Variants in KCNQ4 observed in about 807,000 individuals in gnomAD.
The protein encoded by KCNQ4 is potassium voltage-gated channel subfamily KQT member 4.
KCNQ4 carries 31 observed loss-of-function variants against 72.6 expected under a neutral mutation model. The observed-to-expected ratio is 0.43, with a 90% CI of 0.32 to 0.58. The LOEUF (loss-of-function observed/expected upper bound fraction) is 0.58. Among genes scored for constraint, KCNQ4 ranks in the 20% least tolerant of loss-of-function variants. The pLI, the probability that KCNQ4 is intolerant of heterozygous loss-of-function variation, is 0.08. For missense variants in KCNQ4, 869 were observed against 962.6 expected, an observed-to-expected ratio of 0.90 and a Z score of 1.29; for synonymous variants, 405 against 403.7, an observed-to-expected ratio of 1.00 and a Z score of -0.04.
chr1:40,815,987 C>T (rs1648073490), intron 1 of KCNQ4, among the ~76,000 whole-genome samples: 1 of 152,130 alleles, frequency 6.6e-6, no homozygotes. Flanking sequence ...AGGCAAGCAT[C>T]GGGAGTTGGC....
rs1647225163 is a variant in KCNQ4, at chr1:40,788,360, C to T, written c.314+3953C>T. Among the ~76,000 whole-genome samples the T allele has an allele frequency of 6.6e-6, 1 of 152,198 alleles. No individual in the cohort carries two copies. The highest frequency in any genetic ancestry group is 2.1e-4 in the South Asian group (1 of 4,828). ...GGGCAGAGAGTTGAAATTGCTCCTG[C>T]TTCCTTGTCCAGGACTGTTCGCTCC... On this transcript the variant is annotated intron_variant, in intron 1 of 13. Transcript: ENST00000347132. This position sits in a 1 kb window ranked among gnomAD's most constrained non-coding sequence, Gnocchi z 4.5.
At chr1:40,786,050 T>TAA (rs1420496249) in intron 1 of KCNQ4, among the ~76,000 whole-genome samples, 2 of 152,094 alleles carry the variant, frequency 1.3e-5, no homozygotes, top group Admixed American at 6.5e-5. Flanking sequence ...TTTGTGGCTA[T>TAA]AAAGAGGCCC....
chr1:40,821,892 G>A lies in KCNQ4; in HGVS notation c.1042-422G>A, dbSNP rs1019658240. The stretch of plus-strand genomic sequence containing the variant: ...CTACTATATACCAGGCACTGAGCTT[G>A]GCATTTAATATACAACTGTTCATTT... On this transcript the variant is annotated intron_variant, in intron 7 of 13. Transcript: ENST00000347132. Among the ~76,000 whole-genome samples, 8 of 152,288 alleles carry A rather than the reference G, an allele frequency of 5.3e-5. No homozygotes were observed. In the East Asian group the frequency reaches 1.4e-3, roughly 26 times the overall value.
At chr1:40,803,746 C>T (rs1647653088) in intron 1 of KCNQ4, among the ~76,000 whole-genome samples, 2 of 152,334 alleles carry the variant, frequency 1.3e-5, no homozygotes, top group South Asian at 2.1e-4. Context: ...GGGAGCATGG[C>T]TCTCAGGGCA....
Position 40,812,957 on chromosome 1 carries a change from A to G in KCNQ4, c.315-4308A>G, listed in dbSNP as rs565573027. Among the ~76,000 whole-genome samples, 17 of 152,346 alleles carry G rather than the reference A, an allele frequency of 1.1e-4. No individual in the cohort carries two copies. In the East Asian group the frequency reaches 2.7e-3, roughly 24 times the overall value. ...AGTGGAGATGAGGCCATTCTTTCAGAGAGGGGATGGCTGGGGAGGCCCCTC... is the reference window on the plus strand; with the variant it reads ...AGTGGAGATGAGGCCATTCTTTCAGGGAGGGGATGGCTGGGGAGGCCCCTC... On this transcript the variant is annotated intron_variant, in intron 1 of 13. Transcript: ENST00000347132.
At chr1:40,838,213 AC>A (rs1648864937) in intron 13 of KCNQ4, 97 bp from the exon 14 acceptor site, 1 of 1,029,446 alleles carries the variant, frequency 9.7e-7, no homozygotes, top group African/African-American at 1.7e-5. Flanking sequence ...AGCCCCGCCC[AC>A]TCCACCGGCT....
At chr1:40,821,225 C>G (rs1247223407) in intron 7 of KCNQ4, among the ~76,000 whole-genome samples, 1 of 152,162 alleles carries the variant, frequency 6.6e-6, no homozygotes, top group Non-Finnish European at 1.5e-5. Flanking sequence ...TTGTGGTGCC[C>G]ATAATTAATG....
At chr1:40,786,870 A>G (rs985334970) in intron 1 of KCNQ4, among the ~76,000 whole-genome samples, 2 of 152,132 alleles carry the variant, frequency 1.3e-5, no homozygotes, top group Admixed American at 6.5e-5. Context: ...GAGGAGCTCC[A>G]GATGTGGGGT....
Position 40,784,462 on chromosome 1 carries a change from G to C in KCNQ4, c.314+55G>C. Reference sequence around the variant, plus strand: ...TTTCCCCGCGCAAGCCTGGCCTCCCGGGGCACGGCCGCCCCGCCCTGGCTC... The same window carrying C: ...TTTCCCCGCGCAAGCCTGGCCTCCCCGGGCACGGCCGCCCCGCCCTGGCTC... On this transcript the variant is annotated intron_variant, in intron 1 of 13. Transcript: ENST00000347132. The surrounding 1 kb of genome is among the most constrained non-coding windows in gnomAD (Gnocchi z 4.1). The C allele has an allele frequency of 3.9e-6, 6 of 1,555,984 alleles. No homozygotes were observed. Among genetic ancestry groups the C allele is most frequent in the African/African-American group, 1.4e-5 (1 of 73,838 alleles).
chr1:40,828,623 T>C (rs774449756), intron 9 of KCNQ4, among the ~76,000 whole-genome samples: 12 of 152,132 alleles, frequency 7.9e-5, no homozygotes, highest in Non-Finnish European at 1.5e-4. Flanking sequence ...TTTCCGTGTA[T>C]ATAAAATAGG....
chr1:40,812,780 C>G (rs1318511044), intron 1 of KCNQ4, among the ~76,000 whole-genome samples: 1 of 152,046 alleles, frequency 6.6e-6, no homozygotes, highest in Non-Finnish European at 1.5e-5. Flanking sequence ...GCTTTGGGGA[C>G]CTCTTCAGTG....
chr1:40,801,690 A>G (rs1243702838), intron 1 of KCNQ4, among the ~76,000 whole-genome samples: 1 of 152,162 alleles, frequency 6.6e-6, no homozygotes, highest in Admixed American at 6.5e-5. Flanking sequence ...GACTCTTCCC[A>G]TTACCTACTC....
rs149245005 is a variant in KCNQ4, at chr1:40,816,374, G to C, written c.315-891G>C. On this transcript the variant is annotated intron_variant, in intron 1 of 13. Coordinates refer to ENST00000347132, the MANE Select transcript of KCNQ4 (RefSeq NM_004700.4). ...TCCTTCACCCATCCACATACCGCAA[G>C]GCCACCAGTTTCTCTCCTCATGCCC... Among the ~76,000 whole-genome samples the C allele has an allele frequency of 4.3e-3, 652 of 152,220 alleles. 4 individuals are homozygous for C. Among genetic ancestry groups the C allele is most frequent in the African/African-American group, 0.015 (633 of 41,532 alleles).
intron 1 of KCNQ4, among the ~76,000 whole-genome samples, chr1:40,785,915 C>T (rs1647197746): frequency 6.6e-6 from 1 of 152,098 alleles, no homozygotes; most frequent in African/African-American, 2.4e-5. Flanking sequence ...GTGCAGAGAC[C>T]TCAGCTGGGC....
chr1:40,814,046 C>CTTTTTTTTTTTT lies in KCNQ4; in HGVS notation c.315-3206_315-3195dup, dbSNP rs35243800. 6.6e-4 allele frequency among the ~76,000 whole-genome samples: 35 copies of CTTTTTTTTTTTT among 52,708 alleles called. 2 individuals are homozygous for CTTTTTTTTTTTT. Among genetic ancestry groups the CTTTTTTTTTTTT allele is most frequent in the Non-Finnish European group, 8.3e-4 (25 of 30,096 alleles). 34.6% of individuals were successfully genotyped at this position (52,708 alleles called of 152,430 possible). ...ACAGGCGTGAGCCACTGCGCCCGGC[C>CTTTTTTTTTTTT]TTTTTTTTTTTTTTTTTTTTTTTTG... On this transcript the variant is annotated intron_variant, in intron 1 of 13. Transcript: ENST00000347132.
At chr1:40,823,471 G>A (rs1466445877) in intron 8 of KCNQ4, among the ~76,000 whole-genome samples, 1 of 152,196 alleles carries the variant, frequency 6.6e-6, no homozygotes, top group African/African-American at 2.4e-5. Flanking sequence ...CTGCCCAGAG[G>A]AACAGAGCCT....
intron 1 of KCNQ4, among the ~76,000 whole-genome samples, chr1:40,790,078 C>T (rs1010152038): frequency 2.6e-5 from 4 of 152,218 alleles, no homozygotes; most frequent in African/African-American, 9.6e-5. Flanking sequence ...AGGGACTTTT[C>T]GTTTCTCCAG....
chr1:40,788,093 T>A lies in KCNQ4; in HGVS notation c.314+3686T>A, dbSNP rs1429226192. 6.6e-6 allele frequency among the ~76,000 whole-genome samples: 1 copy of A among 152,160 alleles called. No homozygotes were observed. Among genetic ancestry groups the A allele is most frequent in the East Asian group, 1.9e-4 (1 of 5,202 alleles). ...GCAGCTTCTGGGGCCCGCAGACTCC[T>A]AACCCCCGAGCCCCCGACCTCCCAC... is the stretch of plus-strand genomic sequence containing the variant. On this transcript the variant is annotated intron_variant, in intron 1 of 13. Coordinates refer to ENST00000347132, the MANE Select transcript of KCNQ4 (RefSeq NM_004700.4). This position sits in a 1 kb window ranked among gnomAD's most constrained non-coding sequence, Gnocchi z 4.5.
In KCNQ4 at chr1:40,814,046, C is replaced by CTTTTTTTTTTTTTTT. The variant is rs35243800; in HGVS notation, c.315-3209_315-3195dup. ...ACAGGCGTGAGCCACTGCGCCCGGC[C>CTTTTTTTTTTTTTTT]TTTTTTTTTTTTTTTTTTTTTTTTG... On this transcript the variant is annotated intron_variant, in intron 1 of 13. Transcript: ENST00000347132. 7.6e-5 allele frequency among the ~76,000 whole-genome samples: 4 copies of CTTTTTTTTTTTTTTT among 52,708 alleles called. 1 individual carries two copies. The highest frequency in any genetic ancestry group is 1.0e-4 in the Non-Finnish European group (3 of 30,096). 34.6% of individuals were successfully genotyped at this position (52,708 alleles called of 152,430 possible). A position where few individuals can be genotyped will look rare whatever the true frequency, so the allele number is the denominator to read the frequency against.
Sources: gnomAD v4.1 joint callset for allele counts (sites outside exome capture counted in the v4.1 genomes callset) on GRCh38, gnomAD v4.1.1 for gene constraint, Gnocchi (gnomAD v3.1) non-coding constraint, MANE v1.5 for transcripts, NCBI Gene and HGNC (gene_info 2026-07-23, HGNC 2026-07-21) for gene names.